The following ONECUT2 variants were observed in gnomAD, a reference collection of about 807,000 sequenced individuals.
ONECUT2 encodes the protein one cut homeobox 2.
A neutral mutation model predicts 27.9 loss-of-function variants in ONECUT2; 10 were observed. That is an observed-to-expected ratio of 0.36 (90% CI 0.22 to 0.61). ONECUT2 has a LOEUF of 0.61. ONECUT2 is among the 20% of genes least tolerant of loss of function. The pLI, the probability that ONECUT2 is intolerant of heterozygous loss-of-function variation, is 0.73. For missense variants in ONECUT2, 686 were observed against 721.0 expected (o/e 0.95, Z 0.56); for synonymous variants, 334 against 315.1 (o/e 1.06, Z -0.64).
chr18:57,459,521 GCTT>G (rs1414724925), intron 1 of ONECUT2, among the ~76,000 whole-genome samples: 1 of 152,020 alleles, frequency 6.6e-6, no homozygotes, highest in Non-Finnish European at 1.5e-5. Context: ...ACTTAATAAG[GCTT>G]CTTTTAACTT....
rs768718922 is a variant in ONECUT2, at chr18:57,476,510, T to G, written c.1302T>G (p.Thr434=). 3.7e-6 allele frequency: 6 copies of G among 1,614,078 alleles called. No individual in the cohort carries two copies. The Admixed American group carries it at 1.0e-4, about 27-fold the overall frequency. Residue 434 remains threonine, a synonymous_variant, in exon 2 of 2, where the codon ACT becomes ACG. Coordinates refer to ENST00000491143, the MANE Select transcript of ONECUT2 (RefSeq NM_004852.3). The part of the protein sequence containing the change: ...NSQKKSRLVF[T]DLQRRTLFAI... ...AGAAGAAGTCCCGCCTGGTGTTCAC[T>G]GACCTCCAACGCCGAACACTCTTCG...
chr18:57,468,395 C>T (rs1387969665), intron 1 of ONECUT2, among the ~76,000 whole-genome samples: 2 of 152,196 alleles, frequency 1.3e-5, no homozygotes, highest in Non-Finnish European at 2.9e-5. Context: ...GGGCGGAGGG[C>T]AGGTTCATGG....
rs796717767 is a variant in ONECUT2 at position 57,442,244 on chromosome 18, G to GTT, written c.1228+5317_1228+5318dup. On this transcript the variant is annotated intron_variant, in intron 1 of 1. Transcript: ENST00000491143. Reference sequence around the variant, plus strand: ...GTAGGATGAGAACTAATTCTTCTGGGTTTTTTTTTTTTTTTTTTGAAATTA... The same window carrying GTT: ...GTAGGATGAGAACTAATTCTTCTGGGTTTTTTTTTTTTTTTTTTTTGAAATTA... 3.2e-3 allele frequency among the ~76,000 whole-genome samples: 357 copies of GTT among 112,116 alleles called. 4 individuals carry two copies. The highest frequency in any genetic ancestry group is 9.3e-3 in the Middle Eastern group (2 of 216). 73.6% of individuals were successfully genotyped at this position (112,116 alleles called of 152,430 possible).
At chr18:57,469,163 C>T (rs549561011) in intron 1 of ONECUT2, among the ~76,000 whole-genome samples, 9 of 152,338 alleles carry the variant, frequency 5.9e-5, no homozygotes, top group Admixed American at 2.6e-4. Context: ...TATGTCCTCC[C>T]GGGAGAGTGC....
At chr18:57,467,492 A>G (rs533710656) in intron 1 of ONECUT2, among the ~76,000 whole-genome samples, 1 of 151,954 alleles carries the variant, frequency 6.6e-6, no homozygotes, top group Admixed American at 6.6e-5. Flanking sequence ...CGGCCTCCCG[A>G]GTATCTGGGA....
At chr18:57,437,826 C>T (rs1013941821) in intron 1 of ONECUT2, among the ~76,000 whole-genome samples, 2 of 152,252 alleles carry the variant, frequency 1.3e-5, no homozygotes, top group African/African-American at 4.8e-5. Flanking sequence ...TGAGCACTCG[C>T]AGGAAGAGGT....
In ONECUT2 at chr18:57,476,929, G is replaced by A. The variant is rs1194629968; in HGVS notation, c.*206G>A. 2 of 616,506 alleles carry A rather than the reference G, an allele frequency of 3.2e-6. No homozygotes were observed. The highest frequency in any genetic ancestry group is 3.7e-5 in the African/African-American group (2 of 54,222). The allele number at this position is 616,506 out of a possible 1,614,324, so 38.2% of individuals were successfully genotyped here. The stretch of plus-strand genomic sequence containing the variant: ...TGTTTTTAATGGCTATGGAGTCCAA[G>A]TGCAAGCTGAAAAATTAATCTCTTA... On this transcript the variant is annotated 3_prime_UTR_variant, in exon 2 of 2. Transcript: ENST00000491143.
At chr18:57,458,572 A>AT (rs1321460261) in intron 1 of ONECUT2, among the ~76,000 whole-genome samples, 1 of 152,194 alleles carries the variant, frequency 6.6e-6, no homozygotes, top group Non-Finnish European at 1.5e-5. Context: ...CATTTATTGC[A>AT]TAGTGTCCTA....
At chr18:57,459,051 G>A (rs1170638147) in intron 1 of ONECUT2, among the ~76,000 whole-genome samples, 1 of 151,834 alleles carries the variant, frequency 6.6e-6, no homozygotes, top group Non-Finnish European at 1.5e-5. Context: ...TCCTTGTTTG[G>A]CATTGTTTTT....
chr18:57,462,264 T>C (rs2050296198), intron 1 of ONECUT2, among the ~76,000 whole-genome samples: 1 of 152,248 alleles, frequency 6.6e-6, no homozygotes, highest in African/African-American at 2.4e-5. Context: ...ATGTTTGGCA[T>C]TTCCTTATTG....
intron 1 of ONECUT2, among the ~76,000 whole-genome samples, chr18:57,475,644 G>A (rs563297909): frequency 2.0e-5 from 3 of 152,142 alleles, no homozygotes; most frequent in Non-Finnish European, 2.9e-5. Context: ...GCATATGTCA[G>A]CCCAGGCATG....
chr18:57,488,205 G>A lies in ONECUT2; in HGVS notation c.*11482G>A, dbSNP rs1425741780. On this transcript the variant is annotated 3_prime_UTR_variant, in exon 2 of 2. Coordinates refer to ENST00000491143, the MANE Select transcript of ONECUT2 (RefSeq NM_004852.3). ...CTTTTTATTTTTCTCTTATTAATCT[G>A]CCAAAGATGGGAACAGATACAAGAA... 1 of 152,578 alleles carries A rather than the reference G, an allele frequency of 6.6e-6. No individual in the cohort carries two copies. Among genetic ancestry groups the A allele is most frequent in the Non-Finnish European group, 1.5e-5 (1 of 68,026 alleles). 9.5% of individuals were successfully genotyped at this position (152,578 alleles called of 1,614,324 possible). A position where few individuals can be genotyped will look rare whatever the true frequency, so the allele number is the denominator to read the frequency against.
chr18:57,481,161 CT>C lies in ONECUT2; in HGVS notation c.*4445del, dbSNP rs71171034. 1 of 151,946 alleles carries C rather than the reference CT, an allele frequency of 6.6e-6. No individual in the cohort carries two copies. The highest frequency in any genetic ancestry group is 1.5e-5 in the Non-Finnish European group (1 of 67,982). 9.4% of individuals were successfully genotyped at this position (151,946 alleles called of 1,614,324 possible). On this transcript the variant is annotated 3_prime_UTR_variant, in exon 2 of 2. Transcript: ENST00000491143. ...AAAAACAGACAGAGCCAATACATTT[CT>C]TTTTTTAAAGGAAACAGCAACAACA...
chr18:57,477,473 A>T lies in ONECUT2; in HGVS notation c.*750A>T, dbSNP rs960965380. 6.6e-6 allele frequency: 1 copy of T among 152,578 alleles called. No homozygotes were observed. The highest frequency in any genetic ancestry group is 2.4e-5 in the African/African-American group (1 of 41,424). The allele number at this position is 152,578 out of a possible 1,614,324, so 9.5% of individuals were successfully genotyped here. On this transcript the variant is annotated 3_prime_UTR_variant, in exon 2 of 2. Coordinates refer to ENST00000491143, the MANE Select transcript of ONECUT2 (RefSeq NM_004852.3). ...ATCCGTCAAAAAAACCAGTCAGTTC[A>T]CTTGCGCTCAAAGTATCAAGCACAA...
Position 57,477,454 on chromosome 18 carries a change from C to CA in ONECUT2, c.*738dup, listed in dbSNP as rs1454578952. On this transcript the variant is annotated 3_prime_UTR_variant, in exon 2 of 2. Transcript: ENST00000491143. ...AAATCTCATATGGTCTTGGATCCGT[C>CA]AAAAAAACCAGTCAGTTCACTTGCG... 1.3e-5 allele frequency: 2 copies of CA among 152,284 alleles called. No homozygotes were observed. The highest frequency in any genetic ancestry group is 2.9e-5 in the Non-Finnish European group (2 of 67,972). 9.4% of individuals were successfully genotyped at this position (152,284 alleles called of 1,614,324 possible).
chr18:57,457,473 T>G (rs1480977447), intron 1 of ONECUT2, among the ~76,000 whole-genome samples: 2 of 152,134 alleles, frequency 1.3e-5, no homozygotes, highest in Non-Finnish European at 2.9e-5. Context: ...CTCCCTCCCC[T>G]GCCCCTACTT....
chr18:57,443,239 G>T (rs1055191675), intron 1 of ONECUT2, among the ~76,000 whole-genome samples: 2 of 152,200 alleles, frequency 1.3e-5, no homozygotes, highest in Non-Finnish European at 2.9e-5. Context: ...GGGAAATTAG[G>T]AGGGAATAAA....
At position 57,490,943 on chromosome 18, in the gene ONECUT2, C is replaced by G. The variant is rs2050462994; in HGVS notation, c.*14220C>G. On this transcript the variant is annotated 3_prime_UTR_variant, in exon 2 of 2. Coordinates refer to ENST00000491143, the MANE Select transcript of ONECUT2 (RefSeq NM_004852.3). The stretch of plus-strand genomic sequence containing the variant: ...CCGTCTTTCACCCTGCGCTATATTT[C>G]CAAAGTGTATTATAATCCAGATATT... 1 of 152,614 alleles carries G rather than the reference C, an allele frequency of 6.6e-6. No individual in the cohort carries two copies. The highest frequency in any genetic ancestry group is 6.5e-5 in the Admixed American group (1 of 15,282). The allele number at this position is 152,614 out of a possible 1,614,324, so 9.5% of individuals were successfully genotyped here.
chr18:57,482,634 G>A lies in ONECUT2; in HGVS notation c.*5911G>A, dbSNP rs1047049755. On this transcript the variant is annotated 3_prime_UTR_variant, in exon 2 of 2. Transcript: ENST00000491143. Reference sequence around the variant, plus strand: ...GTAGCATAAACCTTGGCAGATAAGTGTGCCTAAGGTTTATACAGTCTGTCC... The same window carrying A: ...GTAGCATAAACCTTGGCAGATAAGTATGCCTAAGGTTTATACAGTCTGTCC... The A allele has an allele frequency of 2.0e-5, 3 of 152,172 alleles. No individual in the cohort carries two copies. The highest frequency in any genetic ancestry group is 7.2e-5 in the African/African-American group (3 of 41,426). The allele number at this position is 152,172 out of a possible 1,614,324, so 9.4% of individuals were successfully genotyped here.
Sources: gnomAD v4.1 joint callset for allele counts (sites outside exome capture counted in the v4.1 genomes callset) on GRCh38, gnomAD v4.1.1 for gene constraint, MANE v1.5 for transcripts, NCBI Gene and HGNC (gene_info 2026-07-23, HGNC 2026-07-21) for gene names.